DRC8: variants seen among roughly 807,000 people sequenced by gnomAD.
DRC8 encodes dynein regulatory complex subunit 8.
At chr1:245,005,359 T>TC in the DRC8 span, among the ~76,000 whole-genome samples, 1 of 151,994 alleles carries the variant, frequency 6.6e-6, no homozygotes, top group Non-Finnish European at 1.5e-5. Flanking sequence ...GGTATTAATT[T>TC]TTTTTTTTTT....
At chr1:245,081,092 GA>G in the DRC8 span, among the ~76,000 whole-genome samples, 1 of 151,420 alleles carries the variant, frequency 6.6e-6, no homozygotes, top group Non-Finnish European at 1.5e-5. Context: ...CCTGGTCTAA[GA>G]AGTGTTCTTT....
chr1:245,031,316 T>C, the DRC8 span, among the ~76,000 whole-genome samples: 3 of 152,204 alleles, frequency 2.0e-5, no homozygotes, highest in South Asian at 2.1e-4. Flanking sequence ...TCCCAGATTC[T>C]CTTGCAGATA....
the DRC8 span, among the ~76,000 whole-genome samples, chr1:245,015,016 A>G: frequency 6.6e-6 from 1 of 152,180 alleles, no homozygotes; most frequent in African/African-American, 2.4e-5. Flanking sequence ...ATTTTCTACT[A>G]TTGGGTGGTA....
the DRC8 span, chr1:245,123,888 CT>C: frequency 6.8e-6 from 1 of 146,042 alleles, no homozygotes; most frequent in Non-Finnish European, 1.5e-5. This position sits in a 1 kb window ranked among gnomAD's most constrained non-coding sequence, Gnocchi z 5.0. Context: ...AGCCAGGTTT[CT>C]TTTTTTCTGT....
the DRC8 span, among the ~76,000 whole-genome samples, chr1:245,005,108 C>A: frequency 6.6e-6 from 1 of 152,080 alleles, no homozygotes; most frequent in Non-Finnish European, 1.5e-5. Context: ...TGTTCATTCT[C>A]GGGAGAAATC....
At chr1:245,106,905 G>A in the DRC8 span, among the ~76,000 whole-genome samples, 1 of 152,132 alleles carries the variant, frequency 6.6e-6, no homozygotes, top group Non-Finnish European at 1.5e-5. Flanking sequence ...TTAGCTGGGT[G>A]TGGTGGCGGG....
At chr1:245,081,193 G>A in the DRC8 span, among the ~76,000 whole-genome samples, 3 of 148,718 alleles carry the variant, frequency 2.0e-5, no homozygotes, top group Admixed American at 6.7e-5. Flanking sequence ...ACGGAGTCTC[G>A]CTCTGTCACG....
At chr1:244,970,088 G>C in the DRC8 span, 5 of 659,866 alleles carry the variant, frequency 7.6e-6, no homozygotes, top group Admixed American at 1.4e-4. Flanking sequence ...AGAAATAAGG[G>C]AAAGGAGGGG....
chr1:245,120,088 C>T, the DRC8 span, among the ~76,000 whole-genome samples: 1 of 152,070 alleles, frequency 6.6e-6, no homozygotes, highest in Non-Finnish European at 1.5e-5. Context: ...AAGAAACTGA[C>T]CTAATTTATT....
the DRC8 span, among the ~76,000 whole-genome samples, chr1:245,071,963 C>T: frequency 3.3e-5 from 5 of 152,320 alleles, no homozygotes; most frequent in African/African-American, 1.2e-4. Context: ...CAAATGCTGA[C>T]AAGAAAGTGG....
chr1:245,041,104 C>T, the DRC8 span, among the ~76,000 whole-genome samples: 1 of 152,198 alleles, frequency 6.6e-6, no homozygotes, highest in East Asian at 1.9e-4. Flanking sequence ...GAGTGCGTCT[C>T]TGGAAGTAAT....
chr1:244,983,512 G>T, the DRC8 span, among the ~76,000 whole-genome samples: 456 of 152,162 alleles, frequency 3.0e-3, 2 homozygotes, highest in South Asian at 0.012. Flanking sequence ...GGCTGAGGTG[G>T]GCGGACCACT....
chr1:245,089,399 A>G, the DRC8 span, among the ~76,000 whole-genome samples: 3 of 152,142 alleles, frequency 2.0e-5, no homozygotes, highest in Non-Finnish European at 4.4e-5. This position sits in a 1 kb window ranked among gnomAD's most constrained non-coding sequence, Gnocchi z 4.8. Flanking sequence ...CATGGGGGAT[A>G]TCAGCATTTA....
At chr1:244,990,745 C>G in the DRC8 span, among the ~76,000 whole-genome samples, 2 of 152,052 alleles carry the variant, frequency 1.3e-5, no homozygotes, top group Non-Finnish European at 2.9e-5. Flanking sequence ...AAGCAGTCTT[C>G]CCACCTCAGC....
At chr1:244,991,244 T>TA in the DRC8 span, among the ~76,000 whole-genome samples, 1 of 152,158 alleles carries the variant, frequency 6.6e-6, no homozygotes, top group Non-Finnish European at 1.5e-5. Context: ...TGGAGTGACA[T>TA]AAAGGGTGCG....
chr1:245,082,573 C>G, the DRC8 span, among the ~76,000 whole-genome samples: 1 of 152,176 alleles, frequency 6.6e-6, no homozygotes, highest in Admixed American at 6.6e-5. Context: ...TCAAACATGT[C>G]AGTGATTTTG....
At chr1:244,990,591 G>A in the DRC8 span, among the ~76,000 whole-genome samples, 1 of 152,130 alleles carries the variant, frequency 6.6e-6, no homozygotes, top group Admixed American at 6.6e-5. Flanking sequence ...TTTGGCCATT[G>A]GAAGCTCTTT....
the DRC8 span, among the ~76,000 whole-genome samples, chr1:244,978,340 A>G: frequency 6.6e-6 from 1 of 152,094 alleles, no homozygotes; most frequent in African/African-American, 2.4e-5. Context: ...TTAAAAATAC[A>G]AAATTAGCTG....
At chr1:245,082,694 T>C in the DRC8 span, among the ~76,000 whole-genome samples, 1 of 151,714 alleles carries the variant, frequency 6.6e-6, no homozygotes, top group East Asian at 1.9e-4. Flanking sequence ...AGCTTTTATT[T>C]TATTTTATTT....
Sources: gnomAD v4.1 joint callset for allele counts (sites outside exome capture counted in the v4.1 genomes callset) on GRCh38, gnomAD v4.1.1 for gene constraint, Gnocchi (gnomAD v3.1) non-coding constraint, MANE v1.5 for transcripts, NCBI Gene and HGNC (gene_info 2026-07-23, HGNC 2026-07-21) for gene names.